The following PIEZO1 variants were observed in gnomAD, a reference collection of about 807,000 sequenced individuals.
The protein encoded by PIEZO1 is piezo type mechanosensitive ion channel component 1 (Er blood group), also known as piezo-type mechanosensitive ion channel component 1.
PIEZO1 carries 296 observed loss-of-function variants against 297.2 expected under a neutral mutation model. The observed-to-expected ratio is 1.00, with a 90% CI of 0.91 to 1.10. The LOEUF (loss-of-function observed/expected upper bound fraction) is 1.10. Ranked by LOEUF, PIEZO1 falls within the 50% of genes least tolerant of loss-of-function variation. The pLI, the probability that PIEZO1 is intolerant of heterozygous loss-of-function variation, is 0.00. For synonymous variants in PIEZO1, 2,427 were observed against 1,507.5 expected, an observed-to-expected ratio of 1.61 and a Z score of -14.13; for missense variants, 5,018 against 3,455.5, an observed-to-expected ratio of 1.45 and a Z score of -11.34.
At chr16:88,766,654 G>A (rs752824521) in intron 1 of PIEZO1, among the ~76,000 whole-genome samples, 17 of 152,164 alleles carry the variant, frequency 1.1e-4, no homozygotes, top group Non-Finnish European at 1.9e-4. Context: ...GTGGGACGCC[G>A]GGGGCCCCCA....
chr16:88,733,501 C>A (rs1233708403), intron 18 of PIEZO1, 47 bp from the exon 19 acceptor site: 2 of 1,531,752 alleles, frequency 1.3e-6, no homozygotes, highest in East Asian at 2.5e-5. Flanking sequence ...GGGCAGTGGG[C>A]ACGTGGGGCT....
chr16:88,735,381 C>T (rs1905142086), intron 12 of PIEZO1, 135 bp from the exon 13 acceptor site: 5 of 657,898 alleles, frequency 7.6e-6, no homozygotes. Context: ...CCGCAGCCTC[C>T]CCACAGGCAC....
intron 2 of PIEZO1, chr16:88,745,875 C>T (rs1240605589): frequency 6.6e-6 from 1 of 152,274 alleles, no homozygotes; most frequent in Non-Finnish European, 1.5e-5. Context: ...CATGGACCTC[C>T]CCCAGAGCCG....
chr16:88,716,335 G>A (rs774516383), intron 48 of PIEZO1, 26 bp downstream of exon 48: 135 of 1,509,274 alleles, frequency 8.9e-5, no homozygotes, highest in Non-Finnish European at 1.2e-4. Context: ...CAGCCCTCCT[G>A]CCCACCACCC....
At position 88,715,708 on chromosome 16, in the gene PIEZO1, C is replaced by T. The variant is rs749288233; in HGVS notation, c.7463G>A (p.Arg2488Gln). 3 of 1,550,342 alleles carry T rather than the reference C, an allele frequency of 1.9e-6. No individual in the cohort carries two copies. Among genetic ancestry groups the T allele is most frequent in the South Asian group, 1.2e-5 (1 of 84,064 alleles). Residue 2488 changes from arginine (R) to glutamine (Q), a missense_variant, in exon 51 of 51, where the codon CGG becomes CAG. Coordinates refer to ENST00000301015, the MANE Select transcript of PIEZO1 (RefSeq NM_001142864.4). ...CTCCAGCTCCAGCTCCCGAGTCTCC[C>T]GCACCAGGAAGATGTCCTGGCAGAG... ...LKLCQDIFLV[R>Q]ETRELELEEE... is the part of the protein sequence containing the mutation.
chr16:88,722,932 G>T lies in PIEZO1; in HGVS notation c.4573C>A (p.Leu1525Met). ...GTGAACTCCTGCAGCCAGCGTGTCA[G>T]CTCATCCACTAGCGCCTGCCCCAGC... ...WMLGQALVDE[L>M]TRWLQEFTRH... Residue 1525 changes from leucine to methionine, a missense_variant, in exon 34 of 51, where the codon CTG becomes ATG. Transcript: ENST00000301015. 2.6e-6 allele frequency: 4 copies of T among 1,549,384 alleles called. No individual in the cohort carries two copies. The highest frequency in any genetic ancestry group is 3.5e-6 in the Non-Finnish European group (4 of 1,146,792).
At chr16:88,728,393 T>C (rs1304216016) in intron 22 of PIEZO1, among the ~76,000 whole-genome samples, 1 of 151,900 alleles carries the variant, frequency 6.6e-6, no homozygotes, top group Non-Finnish European at 1.5e-5. Flanking sequence ...AAAAACAAAG[T>C]GACCCTCCAT....
intron 17 of PIEZO1, 44 bp downstream of exon 17, chr16:88,733,862 C>G: frequency 6.8e-7 from 1 of 1,469,590 alleles, no homozygotes; most frequent in Non-Finnish European, 9.0e-7. Context: ...TGGGACATGG[C>G]ACAGCAGACT....
chr16:88,744,247 C>T (rs1905891480), intron 2 of PIEZO1: 1 of 154,650 alleles, frequency 6.5e-6, no homozygotes, highest in Non-Finnish European at 1.4e-5. Context: ...GCTGTGAGTC[C>T]TGCTCGCTGC....
chr16:88,769,079 G>C (rs960841988), intron 1 of PIEZO1, among the ~76,000 whole-genome samples: 2 of 152,252 alleles, frequency 1.3e-5, no homozygotes, highest in African/African-American at 4.8e-5. Context: ...AAAGGGGCCA[G>C]AAGTATTTCC....
In PIEZO1 at chr16:88,726,820, G is replaced by A. The variant is rs928708991; in HGVS notation, c.3594C>T (p.Leu1198=). 3 of 1,550,350 alleles carry A rather than the reference G, an allele frequency of 1.9e-6. No homozygotes were observed. The highest frequency in any genetic ancestry group is 2.4e-5 in the South Asian group (2 of 84,062). ...GYLLACFYLL[L]FGTALLQRDT... is the part of the protein sequence containing the mutation. ...CCCTCTGCAGCAGGGCCGTGCCGAA[G>A]AGCAGCAGGTAGAAGCAGGCCAGCA... Residue 1198 remains leucine (L), a synonymous_variant, in exon 25 of 51, where the codon CTC becomes CTT. Coordinates refer to ENST00000301015, the MANE Select transcript of PIEZO1 (RefSeq NM_001142864.4).
chr16:88,716,288 G>C lies in PIEZO1; in HGVS notation c.7050-11C>G. 6.7e-7 allele frequency: 1 copy of C among 1,489,142 alleles called. No homozygotes were observed. The highest frequency in any genetic ancestry group is 9.0e-7 in the Non-Finnish European group (1 of 1,113,770). 92.2% of individuals were successfully genotyped at this position (1,489,142 alleles called of 1,614,324 possible). ...AGATTAGGGATGACCCTGCAGGGAG[G>C]TGCTGGCAGGTCAGGCCTGGCCCAG... On this transcript the variant is annotated splice_polypyrimidine_tract_variant and intron_variant, in intron 48 of 50. Coordinates refer to ENST00000301015, the MANE Select transcript of PIEZO1 (RefSeq NM_001142864.4).
Position 88,785,008 on chromosome 16 carries a change from G to A in PIEZO1, c.-44C>T. 1.7e-6 allele frequency: 2 copies of A among 1,155,050 alleles called. No homozygotes were observed. The highest frequency in any genetic ancestry group is 2.2e-6 in the Non-Finnish European group (2 of 926,848). 71.6% of individuals were successfully genotyped at this position (1,155,050 alleles called of 1,614,324 possible). A position where few individuals can be genotyped will look rare whatever the true frequency, so the allele number is the denominator to read the frequency against. On this transcript the variant is annotated 5_prime_UTR_variant, in exon 1 of 51. Transcript: ENST00000301015. ...CCGGCCCAGACCGAGCGGACGCCGCGGCGCTATGGGGCGGTGCGGGGGCCC... is the reference window on the plus strand; with the variant it reads ...CCGGCCCAGACCGAGCGGACGCCGCAGCGCTATGGGGCGGTGCGGGGGCCC...
intron 44 of PIEZO1, chr16:88,717,511 G>C: frequency 1.8e-6 from 1 of 554,686 alleles, no homozygotes; most frequent in Admixed American, 2.2e-5. Context: ...CGCAACTCCT[G>C]CCTCATACCA....
chr16:88,733,580 A>G lies in PIEZO1; in HGVS notation c.2487+8T>C. ...CAGATGGGAAGCTGAGTTGCCTGCC[A>G]CACTCACCTCCTTCAGGGCCACCCA... On this transcript the variant is annotated splice_region_variant and intron_variant, in intron 18 of 50. Coordinates refer to ENST00000301015, the MANE Select transcript of PIEZO1 (RefSeq NM_001142864.4). 7 of 1,537,140 alleles carry G rather than the reference A, an allele frequency of 4.6e-6. No individual in the cohort carries two copies. The highest frequency in any genetic ancestry group is 5.3e-6 in the Non-Finnish European group (6 of 1,137,686).
chr16:88,741,696 G>C, intron 4 of PIEZO1, 80 bp from the exon 5 acceptor site: 1 of 1,251,036 alleles, frequency 8.0e-7, no homozygotes, highest in South Asian at 1.4e-5. Flanking sequence ...CCAGGTGCGG[G>C]TGGGAGTGTG....
chr16:88,728,250 G>A (rs963350578), intron 22 of PIEZO1, among the ~76,000 whole-genome samples: 9 of 152,262 alleles, frequency 5.9e-5, no homozygotes, highest in African/African-American at 1.9e-4. Context: ...TGGCACTGCC[G>A]GCCCCCGGCC....
chr16:88,716,948 G>A (rs139946651), intron 45 of PIEZO1, 50 bp from the exon 46 acceptor site: 210 of 1,545,244 alleles, frequency 1.4e-4, no homozygotes, highest in African/African-American at 1.1e-3. Flanking sequence ...GTGGAGGAGC[G>A]GCTGGGGGTG....
In PIEZO1 at chr16:88,783,195, T is replaced by C. The variant is rs1043786336; in HGVS notation, c.64+1706A>G. Among the ~76,000 whole-genome samples, 19 of 151,946 alleles carry C rather than the reference T, an allele frequency of 1.3e-4. No homozygotes were observed. In the East Asian group the frequency reaches 1.5e-3, roughly 12 times the overall value. ...CCCTCCCCCAGATCCCCCACGCGGATAGCAATCGAGAAGGCAGAACCCAGG... is the reference window on the plus strand; with the variant it reads ...CCCTCCCCCAGATCCCCCACGCGGACAGCAATCGAGAAGGCAGAACCCAGG... On this transcript the variant is annotated intron_variant, in intron 1 of 50. Coordinates refer to ENST00000301015, the MANE Select transcript of PIEZO1 (RefSeq NM_001142864.4).
Sources: allele counts gnomAD v4.1 joint callset (sites outside exome capture counted in the v4.1 genomes callset), GRCh38; gene constraint gnomAD v4.1.1; transcripts MANE v1.5; gene names NCBI Gene and HGNC (gene_info 2026-07-23, HGNC 2026-07-21).